RUNDC3B: variants seen among roughly 807,000 people sequenced by gnomAD.
RUNDC3B encodes RUN domain-containing protein 3B.
Under a neutral mutation model 58.4 loss-of-function variants are expected in RUNDC3B, and 33 were observed. The ratio of observed to expected loss-of-function variants is 0.56; its 90% CI spans 0.43 to 0.75. The LOEUF (loss-of-function observed/expected upper bound fraction) is 0.75. RUNDC3B is among the 30% of genes least tolerant of loss of function. The pLI, the probability that RUNDC3B is intolerant of heterozygous loss-of-function variation, is 0.00. For synonymous variants in RUNDC3B, 193 were observed against 195.2 expected (o/e 0.99, Z 0.10); for missense variants, 501 against 535.7 (o/e 0.94, Z 0.64).
intron 6 of RUNDC3B, among the ~76,000 whole-genome samples, chr7:87,747,478 G>A (rs977652356): frequency 5.3e-5 from 8 of 152,214 alleles, no homozygotes; most frequent in East Asian, 3.9e-4. Flanking sequence ...AGGAGGTGGC[G>A]CATTCCAGAG....
At chr7:87,706,854 C>T (rs1829641540) in intron 3 of RUNDC3B, among the ~76,000 whole-genome samples, 1 of 152,112 alleles carries the variant, frequency 6.6e-6, no homozygotes, top group African/African-American at 2.4e-5. Flanking sequence ...AAGCAAAGTC[C>T]CATAAACAAA....
chr7:87,778,010 T>C, intron 8 of RUNDC3B, 55 bp downstream of exon 8: 1 of 1,474,266 alleles, frequency 6.8e-7, no homozygotes, highest in Non-Finnish European at 9.2e-7. Flanking sequence ...TAAGACAAAA[T>C]GTCGTGTTTT....
intron 1 of RUNDC3B, among the ~76,000 whole-genome samples, chr7:87,643,999 C>T (rs529075567): frequency 6.6e-6 from 1 of 152,334 alleles, no homozygotes; most frequent in East Asian, 1.9e-4. Flanking sequence ...GCTGGGACTA[C>T]AAGTGTGTGC....
chr7:87,690,683 A>T (rs1388053575), intron 2 of RUNDC3B, among the ~76,000 whole-genome samples: 1 of 152,164 alleles, frequency 6.6e-6, no homozygotes, highest in Non-Finnish European at 1.5e-5. Context: ...GTAAATACAA[A>T]GTGAAAGATT....
At chr7:87,639,062 G>A (rs915196835) in intron 1 of RUNDC3B, among the ~76,000 whole-genome samples, 3 of 143,218 alleles carry the variant, frequency 2.1e-5, no homozygotes, top group African/African-American at 7.8e-5. Flanking sequence ...TGAGGCAGGA[G>A]AATGGTGTAA....
At chr7:87,752,950 T>G (rs943605709) in intron 6 of RUNDC3B, among the ~76,000 whole-genome samples, 2 of 151,736 alleles carry the variant, frequency 1.3e-5, no homozygotes, top group South Asian at 2.1e-4. Context: ...CTTTTCTAGT[T>G]CTTTTAATTG....
Position 87,770,691 on chromosome 7 carries a change from G to T in RUNDC3B, c.740G>T (p.Ser247Ile). ...CCTCCTTTCCTCATGGATGAGAACA[G>T]TTGGTTCAACAAGTGTAAGAGAGTT... ...VGPPFLMDEN[S>I]WFNKCKRVKQ... Residue 247 changes from serine to isoleucine, a missense_variant, in exon 7 of 11, where the codon AGT becomes ATT. Transcript: ENST00000394654. The T allele has an allele frequency of 6.2e-7, 1 of 1,613,646 alleles. No homozygotes were observed.
intron 9 of RUNDC3B, among the ~76,000 whole-genome samples, chr7:87,808,515 G>T (rs1836553950): frequency 6.6e-6 from 1 of 152,012 alleles, no homozygotes; most frequent in East Asian, 1.9e-4. Flanking sequence ...TTGACTATTT[G>T]TTATTAAAAA....
intron 10 of RUNDC3B, among the ~76,000 whole-genome samples, chr7:87,819,148 G>A (rs902897941): frequency 6.6e-6 from 1 of 152,066 alleles, no homozygotes; most frequent in African/African-American, 2.4e-5. Context: ...GTTGTGACTC[G>A]GCCCTGATCA....
chr7:87,820,973 C>T (rs1481967110), intron 10 of RUNDC3B, among the ~76,000 whole-genome samples: 1 of 150,704 alleles, frequency 6.6e-6, no homozygotes, highest in African/African-American at 2.4e-5. Context: ...CCTTTGAAAA[C>T]TGGCACAAGA....
At chr7:87,778,118 G>T (rs764346990) in intron 8 of RUNDC3B, among the ~76,000 whole-genome samples, 163 bp downstream of exon 8, 3 of 152,198 alleles carry the variant, frequency 2.0e-5, no homozygotes, top group Admixed American at 1.3e-4. Flanking sequence ...TATTACAGAA[G>T]TAATCCATGT....
chr7:87,648,929 A>T (rs1176702992), intron 1 of RUNDC3B, among the ~76,000 whole-genome samples: 1 of 152,102 alleles, frequency 6.6e-6, no homozygotes, highest in Non-Finnish European at 1.5e-5. Flanking sequence ...AACCTATATA[A>T]ACAAATCTTT....
intron 8 of RUNDC3B, among the ~76,000 whole-genome samples, chr7:87,785,473 G>C (rs1335054212): frequency 1.3e-5 from 2 of 152,228 alleles, no homozygotes; most frequent in Non-Finnish European, 2.9e-5. Flanking sequence ...TGGGCCTGCA[G>C]CTTTGTCCTC....
At chr7:87,783,019 C>A (rs1013154197) in intron 8 of RUNDC3B, among the ~76,000 whole-genome samples, 1 of 152,134 alleles carries the variant, frequency 6.6e-6, no homozygotes, top group Non-Finnish European at 1.5e-5. Context: ...GTTAAGTTTT[C>A]TGCATTAATG....
At chr7:87,652,900 A>T (rs982172935) in intron 2 of RUNDC3B, among the ~76,000 whole-genome samples, 5 of 151,938 alleles carry the variant, frequency 3.3e-5, no homozygotes, top group Non-Finnish European at 7.4e-5. Flanking sequence ...TGTTTCTAAG[A>T]TCTACTTTTC....
At chr7:87,768,687 T>C (rs569285526) in intron 6 of RUNDC3B, among the ~76,000 whole-genome samples, 1 of 152,324 alleles carries the variant, frequency 6.6e-6, no homozygotes, top group East Asian at 1.9e-4. Context: ...CTACCCTTTC[T>C]ATGGGACTCC....
rs531399830 is a variant in RUNDC3B, at chr7:87,715,677, T to C, written c.458+5022T>C. 7.9e-5 allele frequency among the ~76,000 whole-genome samples: 12 copies of C among 151,522 alleles called. No homozygotes were observed. In the East Asian group the frequency reaches 2.3e-3, roughly 29 times the overall value. On this transcript the variant is annotated intron_variant, in intron 4 of 10. Coordinates refer to ENST00000394654, the MANE Select transcript of RUNDC3B (RefSeq NM_001134405.2). The stretch of plus-strand genomic sequence containing the variant: ...TCATAGGAAGGACAATATTGACTGA[T>C]TGATTGATTGCTTTGTCACACTAGT...
intron 1 of RUNDC3B, among the ~76,000 whole-genome samples, chr7:87,635,465 T>A (rs1269646880): frequency 6.6e-6 from 1 of 152,218 alleles, no homozygotes; most frequent in Non-Finnish European, 1.5e-5. Flanking sequence ...TACTGGACAC[T>A]AATGTATAAC....
intron 6 of RUNDC3B, among the ~76,000 whole-genome samples, chr7:87,761,810 G>C (rs151302950): frequency 2.6e-5 from 4 of 151,770 alleles, no homozygotes; most frequent in African/African-American, 9.6e-5. Flanking sequence ...ATGCCCTGGG[G>C]GAAAAGGGAG....
Sources: gnomAD v4.1 joint callset for allele counts (sites outside exome capture counted in the v4.1 genomes callset) on GRCh38, gnomAD v4.1.1 for gene constraint, MANE v1.5 for transcripts, NCBI Gene and HGNC (gene_info 2026-07-23, HGNC 2026-07-21) for gene names.